Variants in ZMAT4 observed in about 807,000 individuals in gnomAD.
ZMAT4 encodes the protein zinc finger matrin-type 4, also known as zinc finger matrin-type protein 4.
ZMAT4 carries 17 observed loss-of-function variants against 28.7 expected under a neutral mutation model. The ratio of observed to expected loss-of-function variants is 0.59; its 90% confidence interval spans 0.41 to 0.89. The LOEUF is 0.89. Among genes scored for constraint, ZMAT4 ranks in the 40% least tolerant of loss-of-function variants. The pLI is 0.00. For missense variants in ZMAT4, 240 were observed against 283.8 expected (o/e 0.85, Z 1.11); for synonymous variants, 117 against 109.2 (o/e 1.07, Z -0.44).
intron 3 of ZMAT4, among the ~76,000 whole-genome samples, chr8:40,753,373 G>A (rs1459373981): frequency 6.6e-6 from 1 of 152,066 alleles, no homozygotes; most frequent in Admixed American, 6.6e-5. Flanking sequence ...ATATATCTCT[G>A]TGCTTAGTTA....
At chr8:40,538,488 G>T (rs1199790006) in intron 6 of ZMAT4, among the ~76,000 whole-genome samples, 2 of 152,118 alleles carry the variant, frequency 1.3e-5, no homozygotes, top group Non-Finnish European at 2.9e-5. Flanking sequence ...ACCTCCTGAA[G>T]GCTGCATCGC....
chr8:40,733,525 C>A (rs1811634292), intron 3 of ZMAT4, among the ~76,000 whole-genome samples: 1 of 152,042 alleles, frequency 6.6e-6, no homozygotes, highest in Non-Finnish European at 1.5e-5. Context: ...GGCCTGTTAA[C>A]AAGTTGCTGA....
intron 2 of ZMAT4, among the ~76,000 whole-genome samples, chr8:40,779,284 A>T (rs1447243614): frequency 6.6e-6 from 1 of 152,150 alleles, no homozygotes; most frequent in Non-Finnish European, 1.5e-5. Context: ...CCAACCACGT[A>T]GAACCTCTTT....
intron 1 of ZMAT4, among the ~76,000 whole-genome samples, chr8:40,886,941 G>A (rs1397403962): frequency 6.6e-6 from 1 of 152,050 alleles, no homozygotes; most frequent in East Asian, 2.0e-4. Context: ...GGAGGCCAAG[G>A]CGGGCAGAAC....
At chr8:40,608,459 C>T (rs537196309) in intron 5 of ZMAT4, among the ~76,000 whole-genome samples, 38 of 152,266 alleles carry the variant, frequency 2.5e-4, no homozygotes, top group African/African-American at 8.9e-4. Flanking sequence ...TTCCAGGCAG[C>T]TAGTGAGCAG....
chr8:40,700,729 T>C (rs1313950629), intron 3 of ZMAT4, among the ~76,000 whole-genome samples: 4 of 152,038 alleles, frequency 2.6e-5, no homozygotes, highest in African/African-American at 9.7e-5. Context: ...AGCCTGAAAC[T>C]CCTTCTGGCT....
chr8:40,749,251 C>T (rs1264256938), intron 3 of ZMAT4, among the ~76,000 whole-genome samples: 1 of 152,074 alleles, frequency 6.6e-6, no homozygotes, highest in African/African-American at 2.4e-5. Flanking sequence ...TCATCTGGTC[C>T]ACTGGAAAGG....
chr8:40,605,537 T>C (rs1805551510), intron 5 of ZMAT4, among the ~76,000 whole-genome samples: 1 of 152,190 alleles, frequency 6.6e-6, no homozygotes, highest in Non-Finnish European at 1.5e-5. Flanking sequence ...CACAGTGGCC[T>C]GAGAGAGTAC....
intron 2 of ZMAT4, among the ~76,000 whole-genome samples, chr8:40,782,650 G>A (rs935378852): frequency 1.3e-5 from 2 of 152,114 alleles, no homozygotes; most frequent in Admixed American, 1.3e-4. Flanking sequence ...ATTGCAAGAA[G>A]GGAAGAAATG....
intron 5 of ZMAT4, among the ~76,000 whole-genome samples, chr8:40,602,789 C>T (rs568218396): frequency 6.6e-6 from 1 of 152,022 alleles, no homozygotes; most frequent in Admixed American, 6.6e-5. Context: ...TGTTTGAGTT[C>T]CTTGTAGATT....
At chr8:40,839,794 C>T (rs1393367478) in intron 1 of ZMAT4, among the ~76,000 whole-genome samples, 1 of 152,092 alleles carries the variant, frequency 6.6e-6, no homozygotes, top group Admixed American at 6.5e-5. Flanking sequence ...GAGTGAAAGA[C>T]AATGAAGTCT....
intron 6 of ZMAT4, among the ~76,000 whole-genome samples, chr8:40,542,505 C>T (rs2589905): frequency 0.63 from 95,712 of 151,878 alleles, 34,082 homozygotes; most frequent in East Asian, 0.85. Context: ...CCTCCCACCT[C>T]AGGCTCTGGA....
chr8:40,679,614 G>A (rs1317059674), intron 4 of ZMAT4, among the ~76,000 whole-genome samples: 1 of 152,102 alleles, frequency 6.6e-6, no homozygotes, highest in Non-Finnish European at 1.5e-5. Flanking sequence ...CAGTGTGGGG[G>A]TAACCACCCT....
At chr8:40,638,790 T>C (rs1563379168) in intron 5 of ZMAT4, among the ~76,000 whole-genome samples, 2 of 152,224 alleles carry the variant, frequency 1.3e-5, no homozygotes, top group Non-Finnish European at 2.9e-5. Context: ...ACTATTTGGA[T>C]TTCTTTTAAA....
intron 5 of ZMAT4, among the ~76,000 whole-genome samples, chr8:40,616,023 C>T (rs1303887627): frequency 6.6e-6 from 1 of 152,146 alleles, no homozygotes; most frequent in Non-Finnish European, 1.5e-5. Context: ...CTACAATGAA[C>T]TCAAACAAAT....
At chr8:40,536,953 C>A (rs1002550025) in intron 6 of ZMAT4, among the ~76,000 whole-genome samples, 8 of 151,216 alleles carry the variant, frequency 5.3e-5, no homozygotes, top group African/African-American at 1.9e-4. Context: ...GGGAAGAGGC[C>A]TAGAGAGAAT....
rs80197097 is a variant in ZMAT4, at chr8:40,568,731, T to C, written c.674+12434A>G. ...GGAAACTAAGCCATAATGAGGTATT[T>C]AAGTATCTGTTCAAGGTCACAGAAT... On this transcript the variant is annotated intron_variant, in intron 6 of 6. Transcript: ENST00000297737. Among the ~76,000 whole-genome samples the C allele has an allele frequency of 3.9e-4, 59 of 152,280 alleles. No individual in the cohort carries two copies. The East Asian group carries it at 6.6e-3, about 17-fold the overall frequency.
intron 3 of ZMAT4, among the ~76,000 whole-genome samples, chr8:40,723,358 C>T (rs1811184908): frequency 6.6e-6 from 1 of 152,016 alleles, no homozygotes; most frequent in Non-Finnish European, 1.5e-5. Context: ...GCCTGGCCTA[C>T]ATGGTGAAAC....
intron 3 of ZMAT4, among the ~76,000 whole-genome samples, chr8:40,704,866 T>C (rs376996090): frequency 8.9e-4 from 135 of 152,356 alleles, no homozygotes; most frequent in African/African-American, 3.0e-3. Context: ...GAAATGGATA[T>C]AACTGCAATG....
Sources: gnomAD v4.1 joint callset for allele counts (sites outside exome capture counted in the v4.1 genomes callset) on GRCh38, gnomAD v4.1.1 for gene constraint, MANE v1.5 for transcripts, NCBI Gene and HGNC (gene_info 2026-07-23, HGNC 2026-07-21) for gene names.